The following RBM6 variants were observed in gnomAD, a reference collection of about 807,000 sequenced individuals.
The protein encoded by RBM6 is RNA binding motif protein 6.
RBM6 carries 23 observed loss-of-function variants against 140.4 expected under a neutral mutation model. The ratio of observed to expected loss-of-function variants is 0.16; its 90% CI spans 0.12 to 0.23. The LOEUF (loss-of-function observed/expected upper bound fraction) is 0.23, where lower values mean the gene tolerates loss of function less well. Among genes scored for constraint, RBM6 ranks in the 10% least tolerant of loss-of-function variants. RBM6 has a pLI of 1.00. For synonymous variants in RBM6, 439 were observed against 475.6 expected, an observed-to-expected ratio of 0.92 and a Z score of 1.00; for missense variants, 1,139 against 1,386.7, an observed-to-expected ratio of 0.82 and a Z score of 2.84.
intron 5 of RBM6, among the ~76,000 whole-genome samples, 182 bp from the exon 6 acceptor site, chr3:49,999,258 A>G (rs2086217876): frequency 6.6e-6 from 1 of 152,160 alleles, no homozygotes; most frequent in Non-Finnish European, 1.5e-5. Flanking sequence ...GTCCAGAAAC[A>G]TCGAGACTTT....
At chr3:50,066,692 G>A (rs1195056415) in intron 17 of RBM6, among the ~76,000 whole-genome samples, 190 bp downstream of exon 17, 1 of 152,140 alleles carries the variant, frequency 6.6e-6, no homozygotes, top group East Asian at 1.9e-4. Context: ...GCCAGGTGTG[G>A]TGTTGTGTGC....
At position 49,967,345 on chromosome 3, in the gene RBM6, G is replaced by GT. The variant is rs774267104; in HGVS notation, c.45-123dup. ...CTGTTTTCTGCAGATCTAGGACCTTGTTACAGAACTCTGCCAAAAAAAAAA... is the reference window on the plus strand; with the variant it reads ...CTGTTTTCTGCAGATCTAGGACCTTGTTTACAGAACTCTGCCAAAAAAAAAA... On this transcript the variant is annotated intron_variant, in intron 2 of 20. Coordinates refer to ENST00000266022, the MANE Select transcript of RBM6 (RefSeq NM_005777.3). This position sits in a 1 kb window ranked among gnomAD's most constrained non-coding sequence, Gnocchi z 4.0. 2 of 1,484,172 alleles carry GT rather than the reference G, an allele frequency of 1.3e-6. No individual in the cohort carries two copies. The highest frequency in any genetic ancestry group is 8.9e-7 in the Non-Finnish European group (1 of 1,120,538). The allele number at this position is 1,484,172 out of a possible 1,614,324, so 91.9% of individuals were successfully genotyped here. A position where few individuals can be genotyped will look rare whatever the true frequency, so the allele number is the denominator to read the frequency against.
In RBM6 at chr3:49,984,639, TCGCA is replaced by T. The variant is rs1559552905; in HGVS notation, c.1483+9248_1483+9251del. Among the ~76,000 whole-genome samples the T allele has an allele frequency of 7.3e-4, 58 of 79,582 alleles. 1 individual carries two copies. Among genetic ancestry groups the T allele is most frequent in the African/African-American group, 2.1e-3 (54 of 26,264 alleles). 52.2% of individuals were successfully genotyped at this position (79,582 alleles called of 152,430 possible). ...TCGCATCGCATCGCATCGCATCGCA[TCGCA>T]TCGCATCGCATCGCATCGCATTGCA... is the stretch of plus-strand genomic sequence containing the variant. On this transcript the variant is annotated intron_variant, in intron 5 of 20. Coordinates refer to ENST00000266022, the MANE Select transcript of RBM6 (RefSeq NM_005777.3).
chr3:50,055,624 C>T (rs2108902544), intron 8 of RBM6, among the ~76,000 whole-genome samples: 1 of 152,236 alleles, frequency 6.6e-6, no homozygotes, highest in East Asian at 1.9e-4. Flanking sequence ...GTCTTTATGA[C>T]ATCAGTCTGT....
intron 5 of RBM6, among the ~76,000 whole-genome samples, chr3:49,981,307 A>G (rs1015142611): frequency 6.6e-6 from 1 of 152,146 alleles, no homozygotes; most frequent in Non-Finnish European, 1.5e-5. Context: ...TGGATCCTGG[A>G]CCATCATCAT....
At chr3:50,014,557 C>T (rs1227084632) in intron 6 of RBM6, among the ~76,000 whole-genome samples, 1 of 152,214 alleles carries the variant, frequency 6.6e-6, no homozygotes, top group Non-Finnish European at 1.5e-5. Context: ...CTTCTTTATA[C>T]TGATTAAAAC....
At chr3:50,012,404 C>T (rs767078100) in intron 6 of RBM6, among the ~76,000 whole-genome samples, 5 of 151,414 alleles carry the variant, frequency 3.3e-5, no homozygotes, top group African/African-American at 4.9e-5. Flanking sequence ...GTCGCCCAGG[C>T]TGGAGTGCAG....
chr3:50,066,416 A>G lies in RBM6; in HGVS notation c.2857A>G (p.Asn953Asp). ...TGAAGAAGACAAACTCACTGACTGG[A>G]ATAAACTGGCTTGTCTGCTTTGCAG... ...ENEEDKLTDWNKLACLLCRRQ... is the reference protein window; with the variant it reads ...ENEEDKLTDWDKLACLLCRRQ... Residue 953 changes from asparagine (N) to aspartate (D), a missense_variant, in exon 17 of 21, where the codon AAT becomes GAT. Coordinates refer to ENST00000266022, the MANE Select transcript of RBM6 (RefSeq NM_005777.3). The G allele has an allele frequency of 6.2e-7, 1 of 1,614,010 alleles. No individual in the cohort carries two copies. The highest frequency in any genetic ancestry group is 8.5e-7 in the Non-Finnish European group (1 of 1,180,038).
chr3:49,992,422 C>T (rs185100464), intron 5 of RBM6, among the ~76,000 whole-genome samples: 190 of 152,306 alleles, frequency 1.2e-3, no homozygotes, highest in African/African-American at 4.4e-3. Context: ...TCAGGAAATT[C>T]GTACTGCCTT....
intron 6 of RBM6, among the ~76,000 whole-genome samples, chr3:50,016,030 C>T (rs1044594207): frequency 6.6e-6 from 1 of 152,192 alleles, no homozygotes; most frequent in East Asian, 1.9e-4. Context: ...ATAACTAAAA[C>T]TTCTTCCTCC....
chr3:50,068,505 C>A (rs975691868), intron 17 of RBM6, among the ~76,000 whole-genome samples, 185 bp from the exon 18 acceptor site: 5 of 152,152 alleles, frequency 3.3e-5, no homozygotes, highest in Non-Finnish European at 7.3e-5. Context: ...TTATGCCATA[C>A]CACATAACTA....
chr3:49,972,042 T>G lies in RBM6; in HGVS notation c.1324-17T>G, dbSNP rs1374907572. On this transcript the variant is annotated splice_polypyrimidine_tract_variant and intron_variant, in intron 3 of 20. Transcript: ENST00000266022. ...GTAAAGTATATTTGTGAAATAATTT[T>G]TCATTCTCAATTTAAGGATCAAGAT... is the stretch of plus-strand genomic sequence containing the variant. The G allele has an allele frequency of 2.5e-6, 4 of 1,569,464 alleles. No homozygotes were observed. In the African/African-American group the frequency reaches 5.4e-5, roughly 21 times the overall value.
At chr3:50,033,713 C>G (rs1395421143) in intron 6 of RBM6, among the ~76,000 whole-genome samples, 1 of 152,082 alleles carries the variant, frequency 6.6e-6, no homozygotes, top group Admixed American at 6.6e-5. Flanking sequence ...GGCGTAATCT[C>G]AGCTCACTGC....
chr3:50,058,664 C>T (rs1292212598), intron 10 of RBM6, 102 bp downstream of exon 10: 3 of 1,291,178 alleles, frequency 2.3e-6, no homozygotes, highest in East Asian at 2.4e-5. Context: ...CCTGTAATCC[C>T]AGCACTTTGG....
intron 4 of RBM6, among the ~76,000 whole-genome samples, chr3:49,974,341 G>A (rs2084958719): frequency 6.6e-6 from 1 of 151,776 alleles, no homozygotes; most frequent in South Asian, 2.1e-4. Flanking sequence ...CGAGTAGCTG[G>A]GATTATAGGT....
At chr3:50,061,670 C>A in intron 14 of RBM6, 123 bp downstream of exon 14, 2 of 1,471,050 alleles carry the variant, frequency 1.4e-6, no homozygotes, top group South Asian at 2.8e-5. Flanking sequence ...ATGCTCATTG[C>A]ATGAAAAGTG....
intron 6 of RBM6, among the ~76,000 whole-genome samples, chr3:50,016,919 G>A (rs887980400): frequency 2.0e-5 from 3 of 146,342 alleles, no homozygotes; most frequent in Non-Finnish European, 4.5e-5. Context: ...TCTGCCTCCC[G>A]GGTTCAAGTA....
chr3:50,054,311 A>T (rs958289683), intron 7 of RBM6, 24 bp from the exon 8 acceptor site: 3 of 1,587,000 alleles, frequency 1.9e-6, no homozygotes, highest in Admixed American at 3.4e-5. Flanking sequence ...TTTTCAGTCA[A>T]ATTGATTTCC....
In RBM6 at chr3:50,057,902, A is replaced by T; in HGVS notation, c.1868A>T (p.Glu623Val). ...SRLGHQKREA[E>V]RYLPPSRREG... ...TTAGGACATCAAAAGAGAGAAGCAG[A>T]AAGGTATCTGCCTCCTTCTCGAAGG... Residue 623 changes from glutamate (E) to valine (V), a missense_variant, in exon 9 of 21, where the codon GAA becomes GTA. Physicochemically the swap from Glu to Val is moderately radical, Grantham distance 121. Coordinates refer to ENST00000266022, the MANE Select transcript of RBM6 (RefSeq NM_005777.3). 1 of 1,614,160 alleles carries T rather than the reference A, an allele frequency of 6.2e-7. No individual in the cohort carries two copies. The highest frequency in any genetic ancestry group is 8.5e-7 in the Non-Finnish European group (1 of 1,180,038).
Sources: allele counts gnomAD v4.1 joint callset (sites outside exome capture counted in the v4.1 genomes callset), GRCh38; gene constraint gnomAD v4.1.1; non-coding constraint Gnocchi (gnomAD v3.1); transcripts MANE v1.5; gene names NCBI Gene and HGNC (gene_info 2026-07-23, HGNC 2026-07-21).